KMT2C: variants seen among roughly 807,000 people sequenced by gnomAD.
KMT2C encodes the protein lysine methyltransferase 2C.
KMT2C carries 88 observed loss-of-function variants against 507.9 expected under a neutral mutation model. The ratio of observed to expected loss-of-function variants is 0.17; its 90% CI spans 0.15 to 0.21. The LOEUF (loss-of-function observed/expected upper bound fraction) is 0.21, where lower values mean the gene tolerates loss of function less well. Among genes scored for constraint, KMT2C ranks in the 10% least tolerant of loss-of-function variants. The pLI, the probability that KMT2C is intolerant of heterozygous loss-of-function variation, is 1.00. For synonymous variants in KMT2C, 2,049 were observed against 2,080.8 expected, an observed-to-expected ratio of 0.98 and a Z score of 0.42; for missense variants, 4,954 against 5,957.8, an observed-to-expected ratio of 0.83 and a Z score of 5.55.
chr7:152,312,003 T>C (rs1157757649), intron 4 of KMT2C, 57 bp from the exon 5 acceptor site: 2 of 1,404,160 alleles, frequency 1.4e-6, no homozygotes, highest in Non-Finnish European at 2.0e-6. Context: ...TTGTTTCATT[T>C]TTAACTGTTT....
intron 6 of KMT2C, among the ~76,000 whole-genome samples, chr7:152,308,765 G>C (rs746723613): frequency 2.7e-5 from 4 of 150,336 alleles, no homozygotes; most frequent in Non-Finnish European, 5.9e-5. Flanking sequence ...GAAGAGAAGA[G>C]AGGATCCCTT....
intron 1 of KMT2C, among the ~76,000 whole-genome samples, chr7:152,371,969 CAG>C (rs2097296622): frequency 2.0e-5 from 3 of 151,632 alleles, no homozygotes; most frequent in South Asian, 4.2e-4. Context: ...ATACATGAAA[CAG>C]AAAATCAAAA....
chr7:152,202,973 C>T lies in KMT2C; in HGVS notation c.4053G>A (p.Arg1351=). The T allele has an allele frequency of 6.2e-7, 1 of 1,607,700 alleles. No homozygotes were observed. Among genetic ancestry groups the T allele is most frequent in the East Asian group, 2.2e-5 (1 of 44,584 alleles). ...TEKIKKRYRK[R]KNKLEETFPA... ...GGAAAGTTTCTTCAAGCTTATTTTT[C>T]CTTTTTCGGTATCTCTTCTTTATTT... Residue 1351 remains arginine, a synonymous_variant, in exon 26 of 59, where the codon AGG becomes AGA. Coordinates refer to ENST00000262189, the MANE Select transcript of KMT2C (RefSeq NM_170606.3).
chr7:152,422,438 A>G (rs1359771600), intron 1 of KMT2C, among the ~76,000 whole-genome samples: 1 of 151,848 alleles, frequency 6.6e-6, no homozygotes, highest in Non-Finnish European at 1.5e-5. Flanking sequence ...CACGCGACAG[A>G]GCAAGACTCT....
intron 2 of KMT2C, among the ~76,000 whole-genome samples, chr7:152,348,169 C>T (rs1445122110): frequency 6.6e-6 from 1 of 152,154 alleles, no homozygotes; most frequent in Non-Finnish European, 1.5e-5. Flanking sequence ...TACGTCTATA[C>T]CTATTAAAAC....
chr7:152,384,681 T>C (rs2097407600), intron 1 of KMT2C, among the ~76,000 whole-genome samples: 1 of 151,540 alleles, frequency 6.6e-6, no homozygotes. Context: ...TTCCAGATAC[T>C]GTCCTATACA....
chr7:152,429,588 T>C (rs1375540917), intron 1 of KMT2C, among the ~76,000 whole-genome samples: 1 of 151,846 alleles, frequency 6.6e-6, no homozygotes, highest in Non-Finnish European at 1.5e-5. Context: ...TAGCATGATC[T>C]CAGCTCACTG....
rs1012570168 is a variant in KMT2C, at chr7:152,180,605, T to C, written c.7149+106A>G. 8.2e-6 allele frequency: 7 copies of C among 854,992 alleles called. No homozygotes were observed. In the East Asian group the frequency reaches 1.6e-4, roughly 20 times the overall value. 53.0% of individuals were successfully genotyped at this position (854,992 alleles called of 1,614,324 possible). A position where few individuals can be genotyped will look rare whatever the true frequency, so the allele number is the denominator to read the frequency against. On this transcript the variant is annotated intron_variant, in intron 36 of 58. Coordinates refer to ENST00000262189, the MANE Select transcript of KMT2C (RefSeq NM_170606.3). ...TTGCAGTATGACAAACTCTACAGAA[T>C]AAAAAAAATAAAACATTAACTCCTG...
intron 1 of KMT2C, among the ~76,000 whole-genome samples, chr7:152,417,248 A>C (rs1482784382): frequency 6.6e-6 from 1 of 152,062 alleles, no homozygotes; most frequent in Non-Finnish European, 1.5e-5. Flanking sequence ...CCTCCCAAGT[A>C]GCTGGGATTA....
At chr7:152,307,238 G>GAAGGAAGC (rs1449983596) in intron 6 of KMT2C, among the ~76,000 whole-genome samples, 1 of 130,518 alleles carries the variant, frequency 7.7e-6, no homozygotes, top group African/African-American at 3.7e-5. Context: ...AGGAAGGAAG[G>GAAGGAAGC]AAGGAAGGAA....
intron 20 of KMT2C, among the ~76,000 whole-genome samples, chr7:152,223,228 C>A (rs902089493): frequency 3.3e-5 from 5 of 151,660 alleles, no homozygotes; most frequent in African/African-American, 1.2e-4. Flanking sequence ...CTAAAGAGTA[C>A]AACAATATAC....
At chr7:152,248,823 CATT>C (rs201895568) in intron 13 of KMT2C, among the ~76,000 whole-genome samples, 1 of 152,152 alleles carries the variant, frequency 6.6e-6, no homozygotes, top group Non-Finnish European at 1.5e-5. Context: ...CTAATGAAAA[CATT>C]ATGTTTTACA....
Position 152,289,923 on chromosome 7 carries a change from T to C in KMT2C, c.850-16056A>G, listed in dbSNP as rs546177610. Among the ~76,000 whole-genome samples, 670 of 152,030 alleles carry C rather than the reference T, an allele frequency of 4.4e-3. 2 individuals carry two copies. Among genetic ancestry groups the C allele is most frequent in the African/African-American group, 0.015 (641 of 41,456 alleles). ...TTAGCTGGGCCTGGCGGTGCATGCC[T>C]ATAGTCCCAGCTACTCAGGAGGCTG... On this transcript the variant is annotated intron_variant, in intron 6 of 58. Coordinates refer to ENST00000262189, the MANE Select transcript of KMT2C (RefSeq NM_170606.3).
At chr7:152,195,019 A>C (rs895872653) in intron 28 of KMT2C, among the ~76,000 whole-genome samples, 6 of 152,184 alleles carry the variant, frequency 3.9e-5, no homozygotes, top group African/African-American at 1.4e-4. Context: ...TCAGTGTTTA[A>C]TATTATCCTT....
intron 15 of KMT2C, among the ~76,000 whole-genome samples, chr7:152,237,788 C>A (rs549625597): frequency 1.3e-3 from 203 of 152,342 alleles, no homozygotes; most frequent in Non-Finnish European, 1.1e-3. Context: ...GCATGAGCCA[C>A]TGCGCCCGGC....
intron 41 of KMT2C, among the ~76,000 whole-genome samples, chr7:152,168,677 C>T (rs1004542530): frequency 1.3e-5 from 2 of 152,132 alleles, no homozygotes; most frequent in Non-Finnish European, 2.9e-5. Context: ...CAGAAAGGTT[C>T]AGTTTGGGGA....
At chr7:152,160,173 T>A (rs1382310682) in intron 43 of KMT2C, among the ~76,000 whole-genome samples, 1 of 152,206 alleles carries the variant, frequency 6.6e-6, no homozygotes, top group East Asian at 1.9e-4. Flanking sequence ...AGATTTTTTT[T>A]CAACCATTTA....
rs138889005 is a variant in KMT2C, at chr7:152,342,557, T to C, written c.251-11818A>G. Among the ~76,000 whole-genome samples the C allele has an allele frequency of 5.6e-4, 86 of 152,266 alleles. No individual in the cohort carries two copies. The East Asian group carries it at 9.7e-3, about 17-fold the overall frequency. ...ACAGGTACCCTCAGAACTGGAGGAA[T>C]AGACATGAATCACAACTTACCTGAG... On this transcript the variant is annotated intron_variant, in intron 2 of 58. Coordinates refer to ENST00000262189, the MANE Select transcript of KMT2C (RefSeq NM_170606.3).
Position 152,176,618 on chromosome 7 carries a change from G to A in KMT2C, c.8835C>T (p.Ala2945=), listed in dbSNP as rs1432716358. The A allele has an allele frequency of 1.9e-6, 3 of 1,614,200 alleles. No individual in the cohort carries two copies. In the East Asian group the frequency reaches 6.7e-5, roughly 36 times the overall value. The change falls in exon 38 of 59, where the codon GCC becomes GCT. Residue 2945 remains alanine (A), a synonymous_variant. Coordinates refer to ENST00000262189, the MANE Select transcript of KMT2C (RefSeq NM_170606.3). The stretch of plus-strand genomic sequence containing the variant: ...AACTTGACACATGATTGGATGGGGA[G>A]GCCGGCAGAGTTGGTGGTGGTGGAG... ...SGSPPPPTLP[A]SPSNHVSSLP... is the part of the protein sequence containing the mutation.
Sources: allele counts gnomAD v4.1 joint callset (sites outside exome capture counted in the v4.1 genomes callset), GRCh38; gene constraint gnomAD v4.1.1; transcripts MANE v1.5; gene names NCBI Gene and HGNC (gene_info 2026-07-23, HGNC 2026-07-21).